The following PCDHA2 variants were observed in gnomAD, a reference collection of about 807,000 sequenced individuals.
The protein encoded by PCDHA2 is protocadherin alpha 2, also known as protocadherin alpha-2.
PCDHA2 carries 58 observed loss-of-function variants against 66.0 expected under a neutral mutation model. The observed-to-expected ratio is 0.88, with a 90% CI of 0.71 to 1.09. PCDHA2 has a LOEUF of 1.09. Ranked by LOEUF, PCDHA2 falls within the 50% of genes least tolerant of loss-of-function variation. The pLI is 0.00. For missense variants in PCDHA2, 1,267 were observed against 1,242.3 expected, an observed-to-expected ratio of 1.02 and a Z score of -0.30; for synonymous variants, 634 against 554.0, an observed-to-expected ratio of 1.14 and a Z score of -2.03.
At chr5:140,998,014 C>T (rs1554256135) in intron 3 of PCDHA2, among the ~76,000 whole-genome samples, 1 of 152,162 alleles carries the variant, frequency 6.6e-6, no homozygotes, top group Non-Finnish European at 1.5e-5. Context: ...TCCATCCCCA[C>T]CTCGAGCTAG....
At chr5:140,829,157 T>A (rs2150163134) in intron 1 of PCDHA2, 10 of 1,613,942 alleles carry the variant, frequency 6.2e-6, no homozygotes, top group Non-Finnish European at 7.6e-6. Flanking sequence ...GACTTCCTTA[T>A]CCTTGCCTGT....
At position 140,927,110 on chromosome 5, in the gene PCDHA2, G is replaced by T; in HGVS notation, c.2389-51839G>T. The T allele has an allele frequency of 3.7e-6, 6 of 1,613,752 alleles. No individual in the cohort carries two copies. The Middle Eastern group carries it at 8.3e-4, about 222-fold the overall frequency. On this transcript the variant is annotated intron_variant, in intron 1 of 3. Transcript: ENST00000526136. ...TACTTCGGGGTGGATCTACCCAGCG[G>T]CAATTTGGTGGTCAGAGAGCCGGCG...
At chr5:140,825,436 A>C (rs1327783797) in intron 1 of PCDHA2, 1 of 147,728 alleles carries the variant, frequency 6.8e-6, no homozygotes, top group Non-Finnish European at 1.5e-5. Context: ...TAAATATATA[A>C]TAATAATATA....
chr5:140,957,188 C>A (rs374236292), intron 1 of PCDHA2, among the ~76,000 whole-genome samples: 1 of 151,992 alleles, frequency 6.6e-6, no homozygotes, highest in Middle Eastern at 3.4e-3. Flanking sequence ...TATTGATGAC[C>A]GATTGGGAAT....
intron 1 of PCDHA2, among the ~76,000 whole-genome samples, chr5:140,923,305 G>T (rs552769255): frequency 2.6e-5 from 4 of 152,186 alleles, no homozygotes; most frequent in Non-Finnish European, 5.9e-5. Context: ...GGGCGTGGGG[G>T]CGCTTGGCCT....
At chr5:140,987,322 T>G (rs1160600975) in intron 3 of PCDHA2, among the ~76,000 whole-genome samples, 3 of 152,200 alleles carry the variant, frequency 2.0e-5, no homozygotes, top group Non-Finnish European at 4.4e-5. Flanking sequence ...CTGTGAAGTT[T>G]TAAGAACTGG....
At chr5:140,877,311 G>A (rs200978234) in intron 1 of PCDHA2, 2 of 1,613,852 alleles carry the variant, frequency 1.2e-6, no homozygotes, top group Admixed American at 3.3e-5. Flanking sequence ...AGTTGCAACC[G>A]GCGGCGGTCG....
Position 140,883,458 on chromosome 5 carries a change from T to G in PCDHA2, c.2388+86106T>G, listed in dbSNP as rs1315500498. ...TTGACGCCGCATGTCCCCTTCAAGC[T>G]GGTGTCCACCTACAAGAACTACTAC... On this transcript the variant is annotated intron_variant, in intron 1 of 3. Coordinates refer to ENST00000526136, the MANE Select transcript of PCDHA2 (RefSeq NM_018905.3). 13 of 1,614,058 alleles carry G rather than the reference T, an allele frequency of 8.1e-6. No individual in the cohort carries two copies. Among genetic ancestry groups the G allele is most frequent in the Non-Finnish European group, 1.1e-5 (13 of 1,180,042 alleles).
chr5:140,963,238 A>G (rs1347398946), intron 1 of PCDHA2, among the ~76,000 whole-genome samples: 1 of 152,090 alleles, frequency 6.6e-6, no homozygotes, highest in Non-Finnish European at 1.5e-5. Context: ...TGTTTGATGG[A>G]TTAGGTAGGT....
At chr5:140,821,862 G>C (rs1489076733) in intron 1 of PCDHA2, 4 of 1,614,100 alleles carry the variant, frequency 2.5e-6, no homozygotes, top group Non-Finnish European at 3.4e-6. Context: ...GGAGCGGCCA[G>C]CTCCACTACT....
At chr5:140,967,291 C>T (rs782682819) in intron 1 of PCDHA2, 11 of 1,612,754 alleles carry the variant, frequency 6.8e-6, no homozygotes, top group South Asian at 1.1e-5. Context: ...CGCAGGACCC[C>T]GACGTGGGCG....
At chr5:140,941,644 C>T (rs1157047813) in intron 1 of PCDHA2, among the ~76,000 whole-genome samples, 2 of 152,034 alleles carry the variant, frequency 1.3e-5, no homozygotes, top group African/African-American at 4.8e-5. Flanking sequence ...TGTCTTCCTA[C>T]AACTTATGTC....
intron 1 of PCDHA2, chr5:140,816,500 GGTGTGTTT>G (rs2126671911): frequency 7.9e-6 from 1 of 125,928 alleles, no homozygotes; most frequent in African/African-American, 3.1e-5. Context: ...GGTTTCTGGA[GGTGTGTTT>G]GTGTGTGTGT....
At chr5:140,819,004 A>G (rs1319614838) in intron 1 of PCDHA2, among the ~76,000 whole-genome samples, 1 of 152,238 alleles carries the variant, frequency 6.6e-6, no homozygotes, top group African/African-American at 2.4e-5. Context: ...TCCACAGAGG[A>G]TATATAATAT....
chr5:140,906,846 G>T (rs2072987315), intron 1 of PCDHA2, among the ~76,000 whole-genome samples: 1 of 152,186 alleles, frequency 6.6e-6, no homozygotes, highest in Non-Finnish European at 1.5e-5. Context: ...CATCTTGAGA[G>T]TCTGGGTCAG....
At chr5:140,809,768 T>G in intron 1 of PCDHA2, 1 of 562,544 alleles carries the variant, frequency 1.8e-6, no homozygotes, top group Non-Finnish European at 3.0e-6. Context: ...TATGCTGCAT[T>G]ATTCAATGCA....
rs782468153 is a variant in PCDHA2, at chr5:140,858,011, G to A, written c.2388+60659G>A. ...ACTGGTGCTGGTGAAGGACCATGGCGAGCCGTCGCTGACGGCCACGGCCAC... is the reference window on the plus strand; with the variant it reads ...ACTGGTGCTGGTGAAGGACCATGGCAAGCCGTCGCTGACGGCCACGGCCAC... On this transcript the variant is annotated intron_variant, in intron 1 of 3. Transcript: ENST00000526136. 1.1e-5 allele frequency: 18 copies of A among 1,596,704 alleles called. 1 individual carries two copies. Among genetic ancestry groups the A allele is most frequent in the Non-Finnish European group, 1.5e-5 (17 of 1,167,106 alleles).
intron 2 of PCDHA2, among the ~76,000 whole-genome samples, chr5:140,980,956 C>T (rs2096912703): frequency 6.6e-6 from 1 of 152,110 alleles, no homozygotes; most frequent in Non-Finnish European, 1.5e-5. Flanking sequence ...AGGATAGTTA[C>T]ACCTTCATGA....
intron 1 of PCDHA2, chr5:140,807,543 T>C (rs1763959735): frequency 6.2e-7 from 1 of 1,614,164 alleles, no homozygotes; most frequent in South Asian, 1.1e-5. Context: ...GTTTTCCATG[T>C]GGACGTGGAG....
Sources: gnomAD v4.1 joint callset for allele counts (sites outside exome capture counted in the v4.1 genomes callset) on GRCh38, gnomAD v4.1.1 for gene constraint, MANE v1.5 for transcripts, NCBI Gene and HGNC (gene_info 2026-07-23, HGNC 2026-07-21) for gene names.